MROH2B: variants seen among roughly 807,000 people sequenced by gnomAD.
MROH2B encodes the protein maestro heat like repeat family member 2B.
Under a neutral mutation model 208.6 loss-of-function variants are expected in MROH2B, and 177 were observed. The ratio of observed to expected loss-of-function variants is 0.85; its 90% CI spans 0.75 to 0.96. The LOEUF is 0.96. MROH2B is among the 40% of genes least tolerant of loss of function. MROH2B has a pLI of 0.00. For missense variants in MROH2B, 2,002 were observed against 1,878.7 expected (o/e 1.07, Z -1.21); for synonymous variants, 728 against 659.0 (o/e 1.10, Z -1.60).
rs753759300 is a variant in MROH2B, at chr5:41,056,029, T to C, written c.920-174A>G. 2.8e-4 allele frequency among the ~76,000 whole-genome samples: 42 copies of C among 152,358 alleles called. 1 individual carries two copies. Among genetic ancestry groups the C allele is most frequent in the Admixed American group, 2.5e-3 (38 of 15,302 alleles). ...TCACAGAATTAATTGAGCAGTTTTG[T>C]TCATAAGAGAGCTTGCTGTGCCTAG... On this transcript the variant is annotated intron_variant, in intron 9 of 41. Coordinates refer to ENST00000399564, the MANE Select transcript of MROH2B (RefSeq NM_173489.5).
chr5:41,002,558 GGCAA>G (rs1359615081), intron 37 of MROH2B, among the ~76,000 whole-genome samples: 5 of 152,180 alleles, frequency 3.3e-5, no homozygotes, highest in Middle Eastern at 6.8e-3. Context: ...AAAATATTGG[GGCAA>G]TAGATCATAG....
intron 24 of MROH2B, among the ~76,000 whole-genome samples, chr5:41,027,505 G>C (rs1011537227): frequency 9.9e-5 from 15 of 152,156 alleles, no homozygotes; most frequent in African/African-American, 3.6e-4. Flanking sequence ...TCTCACACCA[G>C]TTAGAATGGC....
In MROH2B at chr5:41,040,492, C is replaced by A. The variant is rs576679808; in HGVS notation, c.1954-937G>T. Among the ~76,000 whole-genome samples, 45 of 152,242 alleles carry A rather than the reference C, an allele frequency of 3.0e-4. 2 individuals carry two copies. The highest frequency in any genetic ancestry group is 1.5e-3 in the South Asian group (7 of 4,826). ...AACTCTGGCCTCACATGATTGAAAGCATTATGCTTAGGAGATTGAAAACCA... is the reference window on the plus strand; with the variant it reads ...AACTCTGGCCTCACATGATTGAAAGAATTATGCTTAGGAGATTGAAAACCA... On this transcript the variant is annotated intron_variant, in intron 19 of 41. Transcript: ENST00000399564.
At chr5:41,020,946 G>A (rs1234838174) in intron 24 of MROH2B, among the ~76,000 whole-genome samples, 1 of 152,142 alleles carries the variant, frequency 6.6e-6, no homozygotes, top group Non-Finnish European at 1.5e-5. Flanking sequence ...TCTAGCCAGA[G>A]CAATTAGGCA....
In MROH2B at chr5:41,004,467, C is replaced by G; in HGVS notation, c.4073G>C (p.Arg1358Pro). The G allele has an allele frequency of 6.2e-7, 1 of 1,613,952 alleles. No individual in the cohort carries two copies. The highest frequency in any genetic ancestry group is 8.5e-7 in the Non-Finnish European group (1 of 1,179,862). The change falls in exon 37 of 42, where the codon CGC becomes CCC. Residue 1358 changes from arginine to proline, a missense_variant. Arg to Pro is a moderately radical substitution (Grantham distance 103). Transcript: ENST00000399564. Reference protein sequence around the residue: ...SIIRGLYHLARTEVVCESLKA... With the variant: ...SIIRGLYHLAPTEVVCESLKA... ...CAAGCTTTCACAGACGACTTCAGTG[C>G]GAGCTAGGTGATACAGGCCTCTGAT...
At position 41,016,388 on chromosome 5, in the gene MROH2B, T is replaced by C. The variant is rs146991257; in HGVS notation, c.2885-910A>G. On this transcript the variant is annotated intron_variant, in intron 28 of 41. Coordinates refer to ENST00000399564, the MANE Select transcript of MROH2B (RefSeq NM_173489.5). ...TGTTTGAGGACCTGAATTTTTCATA[T>C]TTTAGGAAAATGAAGTGGGCTAAAG... Among the ~76,000 whole-genome samples, 30 of 152,236 alleles carry C rather than the reference T, an allele frequency of 2.0e-4. No homozygotes were observed. In the East Asian group the frequency reaches 5.8e-3, roughly 29 times the overall value.
chr5:40,998,468 A>C, intron 41 of MROH2B, 144 bp downstream of exon 41: 2 of 682,530 alleles, frequency 2.9e-6, no homozygotes, highest in Non-Finnish European at 2.5e-6. Flanking sequence ...CCCTGGAGAA[A>C]TTCTAGTGTC....
At chr5:41,040,659 C>G (rs984743672) in intron 19 of MROH2B, among the ~76,000 whole-genome samples, 1 of 151,980 alleles carries the variant, frequency 6.6e-6, no homozygotes, top group African/African-American at 2.4e-5. Flanking sequence ...AATTGGACGT[C>G]ACAATTTTTA....
intron 24 of MROH2B, among the ~76,000 whole-genome samples, chr5:41,023,654 C>A (rs1430114418): frequency 1.3e-5 from 2 of 152,002 alleles, no homozygotes; most frequent in Non-Finnish European, 2.9e-5. Context: ...CAAGGCAGGC[C>A]AACATTCAAA....
intron 37 of MROH2B, among the ~76,000 whole-genome samples, chr5:41,003,634 T>C (rs1741477685): frequency 6.6e-6 from 1 of 152,154 alleles, no homozygotes; most frequent in African/African-American, 2.4e-5. Context: ...AATGAAGACT[T>C]CTCAAGTCTG....
At position 41,017,990 on chromosome 5, in the gene MROH2B, T is replaced by A; in HGVS notation, c.2764-20A>T. The A allele has an allele frequency of 6.4e-7, 1 of 1,566,446 alleles. No individual in the cohort carries two copies. The highest frequency in any genetic ancestry group is 8.7e-7 in the Non-Finnish European group (1 of 1,154,420). On this transcript the variant is annotated intron_variant, in intron 27 of 41. Transcript: ENST00000399564. ...TGGTGCCTGCAGGATAAAGGAGGCA[T>A]CCTATTGTGATGGGGTAGCTTGGTC...
intron 15 of MROH2B, 134 bp from the exon 16 acceptor site, chr5:41,048,599 ATTC>A: frequency 9.9e-7 from 1 of 1,010,326 alleles, no homozygotes; most frequent in Non-Finnish European, 1.4e-6. Context: ...ATCACAGTCT[ATTC>A]TTATTTATTC....
intron 19 of MROH2B, among the ~76,000 whole-genome samples, chr5:41,040,926 A>G (rs1313501799): frequency 1.3e-5 from 2 of 152,030 alleles, no homozygotes; most frequent in African/African-American, 4.8e-5. Flanking sequence ...CAGCCTCCCA[A>G]AGTGCTGGGA....
intron 28 of MROH2B, among the ~76,000 whole-genome samples, chr5:41,017,565 G>A (rs1258585360): frequency 6.6e-6 from 1 of 152,050 alleles, no homozygotes; most frequent in Non-Finnish European, 1.5e-5. Flanking sequence ...GAGCCACTGA[G>A]GAAAGATATA....
intron 17 of MROH2B, among the ~76,000 whole-genome samples, chr5:41,046,144 A>G (rs1319718403): frequency 6.6e-6 from 1 of 152,038 alleles, no homozygotes; most frequent in Non-Finnish European, 1.5e-5. Context: ...AAACTAATCC[A>G]ATCTGAAACT....
At chr5:41,015,528 G>T in intron 28 of MROH2B, 50 bp from the exon 29 acceptor site, 1 of 1,524,650 alleles carries the variant, frequency 6.6e-7, no homozygotes, top group Non-Finnish European at 9.0e-7. Flanking sequence ...ACCTGATAGG[G>T]GTTGAAGAGG....
chr5:41,032,465 G>A (rs944964013), intron 24 of MROH2B, among the ~76,000 whole-genome samples: 3 of 152,124 alleles, frequency 2.0e-5, no homozygotes, highest in Non-Finnish European at 4.4e-5. Flanking sequence ...CTAGAAAGAA[G>A]AATTTCCTTT....
At chr5:41,026,890 T>G (rs954708588) in intron 24 of MROH2B, among the ~76,000 whole-genome samples, 11 of 152,162 alleles carry the variant, frequency 7.2e-5, no homozygotes, top group African/African-American at 2.7e-4. Context: ...ACCACACATT[T>G]AGAACCATCT....
intron 24 of MROH2B, among the ~76,000 whole-genome samples, chr5:41,022,945 A>T (rs1209013959): frequency 6.6e-6 from 1 of 152,128 alleles, no homozygotes; most frequent in African/African-American, 2.4e-5. Flanking sequence ...TCTGGAGTGG[A>T]CCTCCAGCAA....
Sources: allele counts gnomAD v4.1 joint callset (sites outside exome capture counted in the v4.1 genomes callset), GRCh38; gene constraint gnomAD v4.1.1; transcripts MANE v1.5; gene names NCBI Gene and HGNC (gene_info 2026-07-23, HGNC 2026-07-21).